MMP27: variants seen among roughly 807,000 people sequenced by gnomAD.
The protein encoded by MMP27 is matrix metallopeptidase 27.
A neutral mutation model predicts 48.1 loss-of-function variants in MMP27; 51 were observed. The observed-to-expected ratio is 1.06, with a 90% CI of 0.85 to 1.34. The LOEUF is 1.34. MMP27 is among the 40% of genes most tolerant of loss of function. The pLI, the probability that MMP27 is intolerant of heterozygous loss-of-function variation, is 0.00. For synonymous variants in MMP27, 229 were observed against 208.9 expected (o/e 1.10, Z -0.83); for missense variants, 698 against 619.3 (o/e 1.13, Z -1.35).
intron 2 of MMP27, among the ~76,000 whole-genome samples, chr11:102,704,014 C>A (rs1860997065): frequency 6.6e-6 from 1 of 152,182 alleles, no homozygotes; most frequent in Non-Finnish European, 1.5e-5. Flanking sequence ...CAAAGGCATA[C>A]CTCATCCTCT....
chr11:102,698,339 C>G (rs1036480151), intron 4 of MMP27, among the ~76,000 whole-genome samples: 3 of 152,120 alleles, frequency 2.0e-5, no homozygotes, highest in African/African-American at 7.2e-5. Context: ...GGACCACTGT[C>G]ATATCCATAG....
chr11:102,692,807 T>A (rs892509565), intron 9 of MMP27, 131 bp downstream of exon 9: 4 of 646,080 alleles, frequency 6.2e-6, no homozygotes, highest in Non-Finnish European at 1.1e-5. Context: ...GTGGGGTTAA[T>A]GTTTATTATT....
At chr11:102,693,178 TA>T in intron 8 of MMP27, 137 bp from the exon 9 acceptor site, 3 of 588,658 alleles carry the variant, frequency 5.1e-6, no homozygotes, top group Non-Finnish European at 9.1e-6. Flanking sequence ...GGATCAATAA[TA>T]AAAATACAGT....
At chr11:102,696,151 T>C (rs1860821996) in intron 6 of MMP27, among the ~76,000 whole-genome samples, 1 of 152,248 alleles carries the variant, frequency 6.6e-6, no homozygotes. Flanking sequence ...CCCTTTCTTA[T>C]GCAATGGCAA....
chr11:102,696,788 C>T lies in MMP27; in HGVS notation c.667G>A (p.Gly223Arg). ...VAAHEFGHAL[G>R]LSHSNDQTAL... Reference sequence around the variant, plus strand: ...GTTTGATCATTGGAGTGAGAGAGCCCCAGTGCATGACCAAATTCATGAGCA... The same window carrying T: ...GTTTGATCATTGGAGTGAGAGAGCCTCAGTGCATGACCAAATTCATGAGCA... Residue 223 changes from glycine to arginine, a missense_variant, in exon 5 of 10, where the codon GGG becomes AGG. Coordinates refer to ENST00000260229, the MANE Select transcript of MMP27 (RefSeq NM_022122.3). 1 of 1,613,270 alleles carries T rather than the reference C, an allele frequency of 6.2e-7. No individual in the cohort carries two copies. Among genetic ancestry groups the T allele is most frequent in the Non-Finnish European group, 8.5e-7 (1 of 1,179,804 alleles).
chr11:102,703,267 T>A, intron 2 of MMP27, 149 bp from the exon 3 acceptor site: 1 of 679,832 alleles, frequency 1.5e-6, no homozygotes, highest in Non-Finnish European at 2.4e-6. Context: ...TAGCACTTTA[T>A]TTAAATGAAA....
At position 102,696,829 on chromosome 11, in the gene MMP27, T is replaced by C. The variant is rs746759489; in HGVS notation, c.626A>G (p.Asn209Ser). Residue 209 changes from asparagine to serine, a missense_variant, in exon 5 of 10, where the codon AAC becomes AGC. Coordinates refer to ENST00000260229, the MANE Select transcript of MMP27 (RefSeq NM_022122.3). ...ENWTKDGAGF[N>S]LFLVAAHEFG... ...TTCATGAGCAGCCACAAGAAACAAG[T>C]TGAATCCTTGATAATAACAGGGAAA... 6.2e-7 allele frequency: 1 copy of C among 1,607,878 alleles called. No individual in the cohort carries two copies. The highest frequency in any genetic ancestry group is 1.1e-5 in the South Asian group (1 of 89,222).
chr11:102,702,534 T>C (rs495910), intron 4 of MMP27, among the ~76,000 whole-genome samples: 2,015 of 152,292 alleles, frequency 0.013, 16 homozygotes, highest in Middle Eastern at 0.024. Context: ...ATTATGGGTG[T>C]ATGAATGAAT....
intron 4 of MMP27, among the ~76,000 whole-genome samples, chr11:102,701,631 C>A (rs1283045147): frequency 6.6e-6 from 1 of 152,128 alleles, no homozygotes; most frequent in Non-Finnish European, 1.5e-5. Flanking sequence ...ACAATGTTAT[C>A]TTACCTCCTT....
chr11:102,703,630 C>T (rs971903588), intron 2 of MMP27, among the ~76,000 whole-genome samples: 25 of 152,226 alleles, frequency 1.6e-4, no homozygotes, highest in African/African-American at 4.3e-4. Context: ...TCAAGTGATT[C>T]TCATGCCTCA....
chr11:102,699,601 C>T (rs890955392), intron 4 of MMP27, among the ~76,000 whole-genome samples: 8 of 152,202 alleles, frequency 5.3e-5, no homozygotes, highest in Non-Finnish European at 8.8e-5. Context: ...ATGAAGCAAA[C>T]GTAAAAGGGC....
Position 102,702,958 on chromosome 11 carries a change from T to C in MMP27, c.490+12A>G. The C allele has an allele frequency of 6.2e-7, 1 of 1,612,886 alleles. No homozygotes were observed. Among genetic ancestry groups the C allele is most frequent in the Non-Finnish European group, 8.5e-7 (1 of 1,179,546 alleles). On this transcript the variant is annotated intron_variant, in intron 3 of 9. Coordinates refer to ENST00000260229, the MANE Select transcript of MMP27 (RefSeq NM_022122.3). ...AGATAAAAATAGCTTTGCTCTCTGT[T>C]GAAAACCTTACCTCGAGTCCTAAAG...
Position 102,704,717 on chromosome 11 carries a change from T to C in MMP27, c.161A>G (p.Lys54Arg). 6.2e-7 allele frequency: 1 copy of C among 1,613,942 alleles called. No homozygotes were observed. Among genetic ancestry groups the C allele is most frequent in the Non-Finnish European group, 8.5e-7 (1 of 1,179,974 alleles). Residue 54 changes from lysine to arginine, a missense_variant, in exon 2 of 10, where the codon AAG (lysine) becomes AGG (arginine). By Grantham distance (26) the Lys-to-Arg change is conservative. Transcript: ENST00000260229. ...TTTGTCATCTATGAGACTCCTATTCTTGCTTTGAACAAGATGATTCCCTTC... is the reference window on the plus strand; with the variant it reads ...TTTGTCATCTATGAGACTCCTATTCCTGCTTTGAACAAGATGATTCCCTTC... ...EIEGNHLVQS[K>R]NRSLIDDKIR...
At chr11:102,702,079 C>T (rs1860950638) in intron 4 of MMP27, among the ~76,000 whole-genome samples, 1 of 152,196 alleles carries the variant, frequency 6.6e-6, no homozygotes. Context: ...TAATATAGTA[C>T]AGTTTGATAT....
chr11:102,697,087 G>A (rs1199241090), intron 4 of MMP27, among the ~76,000 whole-genome samples: 1 of 152,174 alleles, frequency 6.6e-6, no homozygotes, highest in East Asian at 1.9e-4. Flanking sequence ...AACCTAGATG[G>A]CACAGCCCAC....
Position 102,692,925 on chromosome 11 carries a change from C to G in MMP27, c.1297+13G>C. 1.2e-6 allele frequency: 2 copies of G among 1,600,404 alleles called. No homozygotes were observed. Among genetic ancestry groups the G allele is most frequent in the Non-Finnish European group, 1.7e-6 (2 of 1,168,382 alleles). On this transcript the variant is annotated intron_variant, in intron 9 of 9. Transcript: ENST00000260229. ...CTCTCAAGTATCCCAATAAGTGAGA[C>G]ATCCATGCTTACCTTTGTACTGGAA...
intron 7 of MMP27, among the ~76,000 whole-genome samples, chr11:102,694,574 C>T (rs557370744): frequency 1.3e-5 from 2 of 152,032 alleles, no homozygotes; most frequent in African/African-American, 4.8e-5. Context: ...TAAATAAATA[C>T]AAAATATTTT....
intron 2 of MMP27, 100 bp downstream of exon 2, chr11:102,704,437 C>T (rs541166630): frequency 1.1e-6 from 1 of 919,414 alleles, no homozygotes; most frequent in African/African-American, 1.6e-5. Context: ...GCTGTGCACA[C>T]AGGAAGTGCT....
Position 102,697,498 on chromosome 11 carries a change from C to G in MMP27, c.620-663G>C, listed in dbSNP as rs190645216. Among the ~76,000 whole-genome samples the G allele has an allele frequency of 7.6e-4, 115 of 152,168 alleles. 1 individual carries two copies. The highest frequency in any genetic ancestry group is 1.3e-3 in the Non-Finnish European group (91 of 68,002). On this transcript the variant is annotated intron_variant, in intron 4 of 9. Transcript: ENST00000260229. ...ATAAATTAACTTTTGCTTACAGTAACTTTTTTACTTTATAAATTTTTTTTT... is the reference window on the plus strand; with the variant it reads ...ATAAATTAACTTTTGCTTACAGTAAGTTTTTTACTTTATAAATTTTTTTTT...
Sources: allele counts gnomAD v4.1 joint callset (sites outside exome capture counted in the v4.1 genomes callset), GRCh38; gene constraint gnomAD v4.1.1; transcripts MANE v1.5; gene names NCBI Gene and HGNC (gene_info 2026-07-23, HGNC 2026-07-21).